MYH9: variants seen among roughly 807,000 people sequenced by gnomAD.
MYH9 encodes the protein myosin-9.
In MYH9, 29 loss-of-function variants were observed where a neutral mutation model predicts 241.9. That is an observed-to-expected ratio of 0.12 (90% CI 0.09 to 0.16). The LOEUF is 0.16. MYH9 is among the 10% of genes least tolerant of loss of function. The pLI is 1.00. For missense variants in MYH9, 1,803 were observed against 2,595.5 expected, an observed-to-expected ratio of 0.69 and a Z score of 6.63; for synonymous variants, 1,047 against 1,062.6, an observed-to-expected ratio of 0.99 and a Z score of 0.29.
At chr22:36,319,770 G>A (rs2017220356) in intron 9 of MYH9, 135 bp from the exon 10 acceptor site, 1 of 882,286 alleles carries the variant, frequency 1.1e-6, no homozygotes, top group Non-Finnish European at 1.8e-6. Flanking sequence ...GGGGCCACAG[G>A]GGCGCCAGGT....
At position 36,284,073 on chromosome 22, in the gene MYH9, G is replaced by A. The variant is rs369772359; in HGVS notation, c.5765+20C>T. On this transcript the variant is annotated intron_variant, in intron 40 of 40. Coordinates refer to ENST00000216181, the MANE Select transcript of MYH9 (RefSeq NM_002473.6). ...GAGAGAAGTGCCGAGGCAAAGGGGC[G>A]GGTGGGCAGGGCGGCTCACCTGAGC... The A allele has an allele frequency of 2.7e-5, 44 of 1,613,504 alleles. No individual in the cohort carries two copies. The highest frequency in any genetic ancestry group is 1.8e-4 in the East Asian group (8 of 44,890).
At chr22:36,381,466 G>A (rs1029391292) in intron 1 of MYH9, among the ~76,000 whole-genome samples, 1 of 150,552 alleles carries the variant, frequency 6.6e-6, no homozygotes, top group Non-Finnish European at 1.5e-5. Flanking sequence ...GCAGTGAGCC[G>A]AGATCGATCA....
rs774510520 is a variant in MYH9 at position 36,284,463 on chromosome 22, C to T, written c.5532G>A (p.Leu1844=). 3.1e-6 allele frequency: 5 copies of T among 1,613,584 alleles called. No homozygotes were observed. The highest frequency in any genetic ancestry group is 2.2e-5 in the East Asian group (1 of 44,888). Reference sequence around the variant, plus strand: ...CATCCACCTGCAGCAGCACATCCTTCAGCTTCTTCTCGGTCCGACGCACCT... The same window carrying T: ...CATCCACCTGCAGCAGCACATCCTTTAGCTTCTTCTCGGTCCGACGCACCT... The part of the protein sequence containing the change: ...CKQVRRTEKK[L]KDVLLQVDDE... The change falls in exon 39 of 41, where the codon CTG becomes CTA. Residue 1844 remains leucine, a synonymous_variant. Transcript: ENST00000216181.
chr22:36,332,690 A>AC (rs2017443632), intron 3 of MYH9, among the ~76,000 whole-genome samples: 1 of 137,038 alleles, frequency 7.3e-6, no homozygotes, highest in Non-Finnish European at 1.6e-5. Flanking sequence ...AAAAAAAAAA[A>AC]CCTCAAGGTA....
intron 13 of MYH9, among the ~76,000 whole-genome samples, chr22:36,312,883 C>T (rs1168972742): frequency 1.3e-5 from 2 of 151,328 alleles, no homozygotes; most frequent in East Asian, 3.9e-4. Context: ...CCGAGGCGGG[C>T]GGATCACCTA....
intron 2 of MYH9, 67 bp downstream of exon 2, chr22:36,348,837 A>ATCCCCCC: frequency 1.9e-6 from 1 of 539,150 alleles, no homozygotes; most frequent in African/African-American, 5.1e-5. Flanking sequence ...TGATGGGAAG[A>ATCCCCCC]CCCGCCCCCC....
rs2146341663 is a variant in MYH9 at position 36,298,926 on chromosome 22, G to C, written c.3093C>G (p.Asp1031Glu). The part of the protein sequence containing the change: ...LKNKHEAMIT[D>E]LEERLRREEK... ...TGCTCGTCACCCCCTCACCTTCCAA[G>C]TCAGTGATCATTGCCTCATGCTTGT... Residue 1031 changes from aspartate (D) to glutamate (E), a missense_variant, in exon 24 of 41, where the codon GAC (aspartate) becomes GAG (glutamate). Coordinates refer to ENST00000216181, the MANE Select transcript of MYH9 (RefSeq NM_002473.6). 6.2e-7 allele frequency: 1 copy of C among 1,613,962 alleles called. No individual in the cohort carries two copies. Among genetic ancestry groups the C allele is most frequent in the Admixed American group, 1.7e-5 (1 of 60,022 alleles).
chr22:36,294,375 A>AG, intron 27 of MYH9, 77 bp from the exon 28 acceptor site: 1 of 1,472,932 alleles, frequency 6.8e-7, no homozygotes, highest in Non-Finnish European at 9.4e-7. Flanking sequence ...ACTGGACCCT[A>AG]GATCCAGACA....
At chr22:36,297,434 G>A (rs2016806053) in intron 24 of MYH9, 1 of 171,712 alleles carries the variant, frequency 5.8e-6, no homozygotes, top group Non-Finnish European at 1.3e-5. Flanking sequence ...ATAACTCTGT[G>A]ATGTCACTTG....
At position 36,311,914 on chromosome 22, in the gene MYH9, G is replaced by A. The variant is rs1603483265; in HGVS notation, c.1728+135C>T. ...GCTGTCACCGGCCACATTACTGGGT[G>A]AGTCATTGTGCAAGAACCGTACTCA... On this transcript the variant is annotated intron_variant, in intron 14 of 40. Coordinates refer to ENST00000216181, the MANE Select transcript of MYH9 (RefSeq NM_002473.6). 10 of 983,132 alleles carry A rather than the reference G, an allele frequency of 1.0e-5. No individual in the cohort carries two copies. In the Admixed American group the frequency reaches 1.1e-4, roughly 11 times the overall value. 60.9% of individuals were successfully genotyped at this position (983,132 alleles called of 1,614,324 possible).
At chr22:36,327,337 A>C (rs967141847) in intron 4 of MYH9, 124 bp downstream of exon 4, 1 of 1,099,760 alleles carries the variant, frequency 9.1e-7, no homozygotes, top group African/African-American at 1.5e-5. Flanking sequence ...GGAGAAGTGG[A>C]GGAGGGGCCT....
chr22:36,383,671 G>A (rs1390928983), intron 1 of MYH9, among the ~76,000 whole-genome samples: 1 of 151,834 alleles, frequency 6.6e-6, no homozygotes, highest in Non-Finnish European at 1.5e-5. Flanking sequence ...AAAAAGGGGG[G>A]GGGGTGCCAG....
rs369169876 is a variant in MYH9 at position 36,330,665 on chromosome 22, C to T, written c.491-3177G>A. ...GCATTCTAGTGGAGACTGCCATTGGCGCCCACCCCATCAACCCTTCCCCGC... is the reference window on the plus strand; with the variant it reads ...GCATTCTAGTGGAGACTGCCATTGGTGCCCACCCCATCAACCCTTCCCCGC... On this transcript the variant is annotated intron_variant, in intron 3 of 40. Transcript: ENST00000216181. This position sits in a 1 kb window ranked among gnomAD's most constrained non-coding sequence, Gnocchi z 4.5. 4.6e-5 allele frequency among the ~76,000 whole-genome samples: 7 copies of T among 152,126 alleles called. No homozygotes were observed. In the South Asian group the frequency reaches 6.2e-4, roughly 14 times the overall value.
In MYH9 at chr22:36,301,062, A is replaced by C. The variant is rs1569535216; in HGVS notation, c.2632-5T>G. On this transcript the variant is annotated splice_polypyrimidine_tract_variant and splice_region_variant and intron_variant, in intron 21 of 40. Transcript: ENST00000216181. ...CTGCAATTTCTCTGCCATGAGCTGCAAACAACAAGTGGAAAACACAAGCTC... is the reference window on the plus strand; with the variant it reads ...CTGCAATTTCTCTGCCATGAGCTGCCAACAACAAGTGGAAAACACAAGCTC... 1 of 1,608,526 alleles carries C rather than the reference A, an allele frequency of 6.2e-7. No individual in the cohort carries two copies. Among genetic ancestry groups the C allele is most frequent in the Non-Finnish European group, 8.5e-7 (1 of 1,179,940 alleles).
At chr22:36,289,341 C>A (rs370759409) in intron 31 of MYH9, 44 bp from the exon 32 acceptor site, 1 of 1,558,100 alleles carries the variant, frequency 6.4e-7, no homozygotes, top group African/African-American at 1.4e-5. Context: ...CTACGGCCCC[C>A]AGCAGGGCAG....
intron 1 of MYH9, among the ~76,000 whole-genome samples, chr22:36,374,421 G>A (rs1226163891): frequency 1.3e-5 from 2 of 152,252 alleles, no homozygotes; most frequent in African/African-American, 4.8e-5. Context: ...TCGGGAGGCT[G>A]AGGCAGGAGG....
At chr22:36,314,653 A>T (rs199648019) in intron 12 of MYH9, among the ~76,000 whole-genome samples, 3,868 of 149,664 alleles carry the variant, frequency 0.026, 78 homozygotes, top group South Asian at 0.07. Context: ...TTTTTTTTTT[A>T]TTTTTTATTT....
chr22:36,286,068 G>A, intron 35 of MYH9, 115 bp from the exon 36 acceptor site: 1 of 1,121,934 alleles, frequency 8.9e-7, no homozygotes, highest in South Asian at 1.3e-5. Flanking sequence ...TCCCCACGAA[G>A]CCCTTCCTCC....
At chr22:36,336,957 A>G (rs776420285) in intron 3 of MYH9, among the ~76,000 whole-genome samples, 67 of 152,316 alleles carry the variant, frequency 4.4e-4, no homozygotes, top group Non-Finnish European at 6.3e-4. Flanking sequence ...TCCACGGCCT[A>G]ATCCAAGGCA....
Sources: allele counts gnomAD v4.1 joint callset (sites outside exome capture counted in the v4.1 genomes callset), GRCh38; gene constraint gnomAD v4.1.1; non-coding constraint Gnocchi (gnomAD v3.1); transcripts MANE v1.5; gene names NCBI Gene and HGNC (gene_info 2026-07-23, HGNC 2026-07-21).